Variants in CNTNAP5 observed in about 807,000 individuals in gnomAD.
CNTNAP5 encodes contactin associated protein family member 5, also known as contactin-associated protein-like 5.
Under a neutral mutation model 150.2 loss-of-function variants are expected in CNTNAP5, and 72 were observed. The ratio of observed to expected loss-of-function variants is 0.48; its 90% CI spans 0.40 to 0.58. The LOEUF (loss-of-function observed/expected upper bound fraction) is 0.58. Ranked by LOEUF, CNTNAP5 falls within the 20% of genes least tolerant of loss-of-function variation. The probability of loss-of-function intolerance (pLI) is 0.00; values close to 1 mark genes in which losing one functional copy is unlikely to be tolerated. For synonymous variants in CNTNAP5, 672 were observed against 619.8 expected (o/e 1.08, Z -1.25); for missense variants, 1,636 against 1,626.2 (o/e 1.01, Z -0.10).
At chr2:124,188,124 T>C (rs1685374063) in intron 1 of CNTNAP5, among the ~76,000 whole-genome samples, 1 of 152,140 alleles carries the variant, frequency 6.6e-6, no homozygotes, top group Non-Finnish European at 1.5e-5. Flanking sequence ...CTTTGGGAGC[T>C]GGGAGACCCT....
At chr2:124,858,547 G>A (rs1401183097) in intron 19 of CNTNAP5, among the ~76,000 whole-genome samples, 1 of 152,174 alleles carries the variant, frequency 6.6e-6, no homozygotes, top group African/African-American at 2.4e-5. Flanking sequence ...AGTGAAATAA[G>A]AGGACACAAA....
At chr2:124,381,949 G>A (rs888350298) in intron 3 of CNTNAP5, among the ~76,000 whole-genome samples, 3 of 152,158 alleles carry the variant, frequency 2.0e-5, no homozygotes, top group Non-Finnish European at 4.4e-5. Context: ...AATGACAAAA[G>A]CGTGGTGTCA....
intron 2 of CNTNAP5, among the ~76,000 whole-genome samples, chr2:124,223,620 T>C (rs1027259704): frequency 6.6e-6 from 1 of 151,864 alleles, no homozygotes; most frequent in Non-Finnish European, 1.5e-5. Context: ...AGAAAGCAAT[T>C]ACTACTGCCT....
intron 3 of CNTNAP5, among the ~76,000 whole-genome samples, chr2:124,243,202 T>C (rs1198747111): frequency 6.6e-6 from 1 of 152,172 alleles, no homozygotes; most frequent in Admixed American, 6.5e-5. Flanking sequence ...TTATTTTTCA[T>C]TGAGAAAATA....
At chr2:124,824,794 A>G (rs1682559660) in intron 19 of CNTNAP5, among the ~76,000 whole-genome samples, 1 of 152,200 alleles carries the variant, frequency 6.6e-6, no homozygotes. Flanking sequence ...TAATCTGTAA[A>G]CTAATTGCAG....
At chr2:124,222,728 GT>G (rs200668983) in intron 2 of CNTNAP5, among the ~76,000 whole-genome samples, 2,095 of 139,056 alleles carry the variant, frequency 0.015, 24 homozygotes, top group East Asian at 0.033. Context: ...TGGTCGTTGT[GT>G]TTTTTTTTTT....
At chr2:124,206,375 A>G (rs991196532) in intron 1 of CNTNAP5, among the ~76,000 whole-genome samples, 4 of 152,244 alleles carry the variant, frequency 2.6e-5, no homozygotes, top group African/African-American at 9.6e-5. Flanking sequence ...CAGTGCAGAT[A>G]TGGCTTACCT....
intron 3 of CNTNAP5, among the ~76,000 whole-genome samples, chr2:124,357,354 T>C (rs999270802): frequency 9.9e-5 from 15 of 152,246 alleles, no homozygotes; most frequent in African/African-American, 3.4e-4. Context: ...CCATTGCTTT[T>C]GGTGTTGTGG....
At chr2:124,515,187 C>T (rs983584365) in intron 8 of CNTNAP5, among the ~76,000 whole-genome samples, 3 of 152,184 alleles carry the variant, frequency 2.0e-5, no homozygotes, top group Non-Finnish European at 4.4e-5. Context: ...TGAGGGCCTG[C>T]TTCTGACACT....
intron 14 of CNTNAP5, among the ~76,000 whole-genome samples, chr2:124,753,180 G>A (rs190902558): frequency 4.1e-4 from 62 of 152,102 alleles, no homozygotes; most frequent in African/African-American, 1.3e-3. Context: ...TGTAAATTCC[G>A]GTCATCTGAT....
At chr2:124,732,258 A>G (rs1344047531) in intron 13 of CNTNAP5, among the ~76,000 whole-genome samples, 2 of 152,108 alleles carry the variant, frequency 1.3e-5, no homozygotes, top group Non-Finnish European at 2.9e-5. Context: ...ATTTTATTCC[A>G]TACTTCTTGT....
chr2:124,837,374 G>A (rs1682853383), intron 19 of CNTNAP5, among the ~76,000 whole-genome samples: 1 of 152,092 alleles, frequency 6.6e-6, no homozygotes, highest in South Asian at 2.1e-4. Flanking sequence ...GATGAGGTAG[G>A]AGGGAAGGTT....
At chr2:124,192,258 G>A (rs1225512729) in intron 1 of CNTNAP5, among the ~76,000 whole-genome samples, 5 of 152,202 alleles carry the variant, frequency 3.3e-5, no homozygotes, top group Admixed American at 6.5e-5. Context: ...CAGAATGTTC[G>A]TTGTACATTC....
chr2:124,306,943 G>T (rs551415325), intron 3 of CNTNAP5, among the ~76,000 whole-genome samples: 29 of 151,942 alleles, frequency 1.9e-4, no homozygotes, highest in African/African-American at 6.5e-4. Flanking sequence ...GGCCAGGATG[G>T]TCTCAAACTC....
At chr2:124,539,499 C>T (rs1177865881) in intron 10 of CNTNAP5, among the ~76,000 whole-genome samples, 2 of 152,174 alleles carry the variant, frequency 1.3e-5, no homozygotes, top group Non-Finnish European at 2.9e-5. Context: ...GGTGGGAAAG[C>T]CTGTGCTGTT....
chr2:124,101,601 G>A (rs1000356520), intron 1 of CNTNAP5, among the ~76,000 whole-genome samples: 1 of 152,120 alleles, frequency 6.6e-6, no homozygotes, highest in Admixed American at 6.6e-5. Flanking sequence ...TTGGCCCAGA[G>A]GTAGGCAGTA....
rs183055903 is a variant in CNTNAP5 at position 124,150,017 on chromosome 2, T to C, written c.83-71688T>C. 4.6e-4 allele frequency among the ~76,000 whole-genome samples: 70 copies of C among 152,318 alleles called. 2 individuals carry two copies. Among genetic ancestry groups the C allele is most frequent in the Admixed American group, 3.5e-3 (53 of 15,302 alleles). ...TCTGTCTCTTGTACCCTCTCTGCTT[T>C]ACTCAAAAAAATCTGGAACAATGGT... On this transcript the variant is annotated intron_variant, in intron 1 of 23. Transcript: ENST00000682447.
chr2:124,310,239 T>G (rs553864411), intron 3 of CNTNAP5, among the ~76,000 whole-genome samples: 4 of 152,082 alleles, frequency 2.6e-5, no homozygotes, highest in Non-Finnish European at 5.9e-5. Flanking sequence ...TGCTGGCATA[T>G]TGGGGCAATG....
intron 19 of CNTNAP5, among the ~76,000 whole-genome samples, chr2:124,839,521 A>G (rs900649973): frequency 2.0e-5 from 3 of 151,394 alleles, no homozygotes; most frequent in Non-Finnish European, 4.4e-5. Context: ...TCTTGCCTGA[A>G]CTCTACCTCC....
Sources: allele counts gnomAD v4.1 joint callset (sites outside exome capture counted in the v4.1 genomes callset), GRCh38; gene constraint gnomAD v4.1.1; transcripts MANE v1.5; gene names NCBI Gene and HGNC (gene_info 2026-07-23, HGNC 2026-07-21).